FAM83A: variants seen among roughly 807,000 people sequenced by gnomAD.
The protein encoded by FAM83A is scaffolding CK1 anchoring protein A, also known as protein FAM83A.
Under a neutral mutation model 24.4 loss-of-function variants are expected in FAM83A, and 21 were observed. That is an observed-to-expected ratio of 0.86 (90% CI 0.61 to 1.24). The LOEUF is 1.24. Among genes scored for constraint, FAM83A ranks in the 50% most tolerant of loss-of-function variants. The pLI is 0.00. For missense variants in FAM83A, 617 were observed against 579.8 expected, an observed-to-expected ratio of 1.06 and a Z score of -0.66; for synonymous variants, 270 against 252.4, an observed-to-expected ratio of 1.07 and a Z score of -0.66.
intron 3 of FAM83A, among the ~76,000 whole-genome samples, chr8:123,199,359 G>A (rs1481474042): frequency 6.6e-6 from 1 of 152,194 alleles, no homozygotes; most frequent in Non-Finnish European, 1.5e-5. Context: ...ACTGTTACCA[G>A]CATTTTTATG....
intron 1 of FAM83A, among the ~76,000 whole-genome samples, chr8:123,184,581 G>A (rs1190731669): frequency 1.3e-5 from 1 of 79,394 alleles, no homozygotes; most frequent in Admixed American, 1.3e-4. Flanking sequence ...TTCTCCCAAT[G>A]CCCCGAGATC....
At chr8:123,188,459 T>C (rs561736193) in intron 1 of FAM83A, among the ~76,000 whole-genome samples, 5 of 152,140 alleles carry the variant, frequency 3.3e-5, no homozygotes, top group Admixed American at 3.3e-4. Flanking sequence ...GCACCTTCTT[T>C]TTCTTTTTTC....
At chr8:123,188,773 G>A (rs922093921) in intron 1 of FAM83A, among the ~76,000 whole-genome samples, 3 of 152,202 alleles carry the variant, frequency 2.0e-5, no homozygotes, top group African/African-American at 4.8e-5. Context: ...ATAAGCCACC[G>A]TGCCTGGCCT....
rs138900747 is a variant in FAM83A at position 123,205,180 on chromosome 8, G to A, written c.774-1977G>A. Among the ~76,000 whole-genome samples the A allele has an allele frequency of 1.4e-3, 217 of 152,322 alleles. 1 individual carries two copies. Among genetic ancestry groups the A allele is most frequent in the African/African-American group, 4.9e-3 (204 of 41,564 alleles). ...AGATGCGCGGGTGTGCAGGTGTGGC[G>A]GGGCTCTGGGGCGGGGCACAGTGCA... is the stretch of plus-strand genomic sequence containing the variant. On this transcript the variant is annotated intron_variant, in intron 3 of 3. Coordinates refer to ENST00000690554, the Ensembl canonical transcript of FAM83A.
chr8:123,207,331 T>C (rs1824589595), exon 4 of FAM83A: 2 of 1,611,100 alleles, frequency 1.2e-6, no homozygotes, highest in Middle Eastern at 1.7e-4. Context: ...CCCCGGCCAA[T>C]GGCCGCCTTA....
At chr8:123,198,983 G>T (rs532216644) in intron 3 of FAM83A, among the ~76,000 whole-genome samples, 1 of 152,056 alleles carries the variant, frequency 6.6e-6, no homozygotes, top group South Asian at 2.1e-4. Flanking sequence ...CAATTGATGC[G>T]CCCTCCTCGG....
exon 1 of FAM83A, chr8:123,183,313 CGCT>C: frequency 6.2e-7 from 1 of 1,612,754 alleles, no homozygotes; most frequent in Non-Finnish European, 8.5e-7. Context: ...CCTCGTCCGC[CGCT>C]GCATCACCCG....
chr8:123,191,100 A>G (rs1586779055), intron 1 of FAM83A, among the ~76,000 whole-genome samples: 1 of 152,154 alleles, frequency 6.6e-6, no homozygotes. Context: ...TCCAAACCAC[A>G]TTGATTGTGG....
intron 3 of FAM83A, among the ~76,000 whole-genome samples, chr8:123,205,440 G>A (rs573205009): frequency 6.6e-6 from 1 of 152,350 alleles, no homozygotes; most frequent in South Asian, 2.1e-4. Flanking sequence ...TCACCTCTCT[G>A]GGGGTGTGGG....
intron 3 of FAM83A, among the ~76,000 whole-genome samples, chr8:123,196,867 T>C (rs1475251666): frequency 6.6e-6 from 1 of 152,240 alleles, no homozygotes; most frequent in Non-Finnish European, 1.5e-5. Context: ...GGGTAAAAGC[T>C]GCTCACTCTG....
chr8:123,203,515 G>A (rs1188419742), intron 3 of FAM83A, among the ~76,000 whole-genome samples: 3 of 149,378 alleles, frequency 2.0e-5, no homozygotes, highest in Non-Finnish European at 4.4e-5. Flanking sequence ...TTGAATCCAG[G>A]AGGCAGAGGT....
exon 2 of FAM83A, chr8:123,191,876 G>C (rs778297294): frequency 1.2e-6 from 2 of 1,614,168 alleles, no homozygotes; most frequent in Non-Finnish European, 1.7e-6. Flanking sequence ...GCCAACAAGC[G>C]TGGGGTGTTC....
At position 123,207,711 on chromosome 8, in the gene FAM83A, C is replaced by T. The variant is rs747070788; in HGVS notation, c.*23C>T. The T allele has an allele frequency of 3.4e-6, 5 of 1,449,622 alleles. No homozygotes were observed. The East Asian group carries it at 1.3e-4, about 37-fold the overall frequency. 89.8% of individuals were successfully genotyped at this position (1,449,622 alleles called of 1,614,324 possible). A position where few individuals can be genotyped will look rare whatever the true frequency, so the allele number is the denominator to read the frequency against. On this transcript the variant is annotated 3_prime_UTR_variant, in exon 4 of 4. Transcript: ENST00000690554. The stretch of plus-strand genomic sequence containing the variant: ...TGAAGGTCCCATCCCCTGCTGCCCT[C>T]CGCAGGCCCAGGGCTGGGCACTCCC...
At chr8:123,186,506 A>T (rs552525106) in intron 1 of FAM83A, among the ~76,000 whole-genome samples, 1 of 152,310 alleles carries the variant, frequency 6.6e-6, no homozygotes, top group East Asian at 1.9e-4. Flanking sequence ...AAGAAGCAGG[A>T]ATTCTCTTTC....
In FAM83A at chr8:123,209,645, C is replaced by CCAG; in HGVS notation, c.*1959_*1961dup. On this transcript the variant is annotated 3_prime_UTR_variant, in exon 4 of 4. Transcript: ENST00000690554. This position sits in a 1 kb window ranked among gnomAD's most constrained non-coding sequence, Gnocchi z 4.7. ...TGCCAGGTCACAGAAGCTCCCAAGC[C>CCAG]CAGCTTTCCAAAGGCCTCAGCCTGT... 7.3e-7 allele frequency: 1 copy of CCAG among 1,373,914 alleles called. No individual in the cohort carries two copies. The highest frequency in any genetic ancestry group is 2.5e-5 in the East Asian group (1 of 40,634). The allele number at this position is 1,373,914 out of a possible 1,614,324, so 85.1% of individuals were successfully genotyped here.
intron 1 of FAM83A, 98 bp from the exon 2 acceptor site, chr8:123,191,705 A>C (rs777519121): frequency 1.5e-6 from 2 of 1,290,518 alleles, no homozygotes; most frequent in Non-Finnish European, 2.2e-6. Context: ...CAATGGGAAC[A>C]GCTCTCCCAG....
At chr8:123,200,125 T>C (rs1015670022) in intron 3 of FAM83A, 11 of 152,238 alleles carry the variant, frequency 7.2e-5, no homozygotes, top group Non-Finnish European at 2.9e-5. Context: ...CAAGTAAGCA[T>C]TGGACCAGAA....
At chr8:123,192,357 C>T (rs1317265633) in intron 2 of FAM83A, among the ~76,000 whole-genome samples, 1 of 152,212 alleles carries the variant, frequency 6.6e-6, no homozygotes, top group African/African-American at 2.4e-5. Flanking sequence ...TCCAGTTCTC[C>T]TCTCAGCTGG....
At position 123,196,250 on chromosome 8, in the gene FAM83A, G is replaced by A. The variant is rs139716013; in HGVS notation, c.773+2102G>A. On this transcript the variant is annotated intron_variant, in intron 3 of 3. Transcript: ENST00000690554. ...TGGTCTCGAACTACTGACCTCAGAT[G>A]ATCCACCCACCTCAGCCCCCCAAAG... 5.7e-3 allele frequency among the ~76,000 whole-genome samples: 866 copies of A among 152,300 alleles called. 4 individuals carry two copies. The highest frequency in any genetic ancestry group is 0.017 in the African/African-American group (721 of 41,560).
Sources: allele counts gnomAD v4.1 joint callset (sites outside exome capture counted in the v4.1 genomes callset), GRCh38; gene constraint gnomAD v4.1.1; non-coding constraint Gnocchi (gnomAD v3.1); transcripts MANE v1.5; gene names NCBI Gene and HGNC (gene_info 2026-07-23, HGNC 2026-07-21).